Variants in GABRG3 observed in about 807,000 individuals in gnomAD.
The protein encoded by GABRG3 is gamma-aminobutyric acid type A receptor subunit gamma3.
Under a neutral mutation model 48.8 loss-of-function variants are expected in GABRG3, and 25 were observed. The observed-to-expected ratio is 0.51, with a 90% confidence interval of 0.37 to 0.72. The LOEUF (loss-of-function observed/expected upper bound fraction) is 0.72. GABRG3 is among the 30% of genes least tolerant of loss of function. The probability of loss-of-function intolerance (pLI) is 0.00; values close to 1 mark genes in which losing one functional copy is unlikely to be tolerated. For missense variants in GABRG3, 394 were observed against 577.9 expected, an observed-to-expected ratio of 0.68 and a Z score of 3.26; for synonymous variants, 227 against 217.6, an observed-to-expected ratio of 1.04 and a Z score of -0.38.
At chr15:27,215,549 C>T (rs1889220329) in intron 3 of GABRG3, among the ~76,000 whole-genome samples, 1 of 152,210 alleles carries the variant, frequency 6.6e-6, no homozygotes, top group South Asian at 2.1e-4. Context: ...TCTTCCTGAA[C>T]ATTGCAAGGA....
intron 3 of GABRG3, among the ~76,000 whole-genome samples, chr15:27,283,734 G>A (rs561472206): frequency 6.6e-6 from 1 of 152,252 alleles, no homozygotes; most frequent in South Asian, 2.1e-4. Context: ...CCAGCACTCT[G>A]AGGCATATGA....
intron 5 of GABRG3, among the ~76,000 whole-genome samples, chr15:27,409,637 T>C (rs1206307129): frequency 1.3e-5 from 2 of 152,198 alleles, no homozygotes; most frequent in Non-Finnish European, 2.9e-5. Context: ...AAACTCTAGC[T>C]GGAATTTTAT....
intron 7 of GABRG3, among the ~76,000 whole-genome samples, chr15:27,524,873 A>T: frequency 6.6e-6 from 1 of 152,202 alleles, no homozygotes; most frequent in East Asian, 1.9e-4. Flanking sequence ...TAATAACTAC[A>T]TTCAATGTAA....
At chr15:27,464,448 T>G (rs1474643224) in intron 5 of GABRG3, among the ~76,000 whole-genome samples, 1 of 152,218 alleles carries the variant, frequency 6.6e-6, no homozygotes, top group Non-Finnish European at 1.5e-5. Context: ...GCTGTAAACT[T>G]TCATGTACAA....
intron 5 of GABRG3, among the ~76,000 whole-genome samples, chr15:27,427,355 C>T (rs1888323451): frequency 6.6e-6 from 1 of 152,140 alleles, no homozygotes; most frequent in African/African-American, 2.4e-5. Context: ...ATAAACAGTG[C>T]AGTGTGGCTG....
At chr15:27,053,808 C>T (rs1896494179) in intron 3 of GABRG3, among the ~76,000 whole-genome samples, 1 of 152,186 alleles carries the variant, frequency 6.6e-6, no homozygotes, top group Non-Finnish European at 1.5e-5. Flanking sequence ...AGAATGAAGG[C>T]ATATCCTTTG....
At chr15:27,118,368 C>T (rs566247370) in intron 3 of GABRG3, among the ~76,000 whole-genome samples, 7 of 152,238 alleles carry the variant, frequency 4.6e-5, no homozygotes, top group South Asian at 2.1e-4. Context: ...GCTTTCCCTC[C>T]GAACAACATG....
intron 3 of GABRG3, among the ~76,000 whole-genome samples, chr15:27,203,747 T>C (rs1888764281): frequency 6.6e-6 from 1 of 152,092 alleles, no homozygotes; most frequent in Non-Finnish European, 1.5e-5. Flanking sequence ...GGGTGTGAGG[T>C]GGTATCTCAT....
intron 3 of GABRG3, among the ~76,000 whole-genome samples, chr15:27,243,481 C>T (rs558988203): frequency 2.0e-5 from 3 of 151,910 alleles, no homozygotes; most frequent in Non-Finnish European, 4.4e-5. Context: ...TGGAGGCAAA[C>T]GGAAGAGGGC....
At chr15:26,982,814 T>C (rs910648501) in intron 2 of GABRG3, among the ~76,000 whole-genome samples, 4 of 152,152 alleles carry the variant, frequency 2.6e-5, no homozygotes, top group African/African-American at 9.7e-5. Context: ...AAACATAAAG[T>C]TATGAGGTAG....
At chr15:27,202,023 G>A (rs1888699772) in intron 3 of GABRG3, among the ~76,000 whole-genome samples, 1 of 152,096 alleles carries the variant, frequency 6.6e-6, no homozygotes, top group East Asian at 1.9e-4. Context: ...AGTATATTCA[G>A]CAGCATTTCA....
chr15:27,306,853 A>G, intron 3 of GABRG3, among the ~76,000 whole-genome samples: 1 of 91,570 alleles, frequency 1.1e-5, no homozygotes, highest in Non-Finnish European at 1.9e-5. Context: ...TTATATATAA[A>G]CATACAATAT....
chr15:27,287,310 C>T (rs1442775716), intron 3 of GABRG3, among the ~76,000 whole-genome samples: 2 of 151,974 alleles, frequency 1.3e-5, no homozygotes, highest in African/African-American at 2.4e-5. Context: ...AGGTATGGAC[C>T]AGGGATTTGG....
chr15:27,158,591 A>G (rs539243611), intron 3 of GABRG3, among the ~76,000 whole-genome samples: 10 of 152,346 alleles, frequency 6.6e-5, no homozygotes, highest in African/African-American at 2.4e-4. Context: ...TAAGATTTCT[A>G]TCTGAGAGAG....
intron 7 of GABRG3, among the ~76,000 whole-genome samples, chr15:27,520,404 A>C (rs542183919): frequency 2.0e-5 from 3 of 152,000 alleles, no homozygotes; most frequent in African/African-American, 7.2e-5. Context: ...ACAAAAACAC[A>C]GGCACATCCC....
chr15:27,259,344 C>G (rs149518191), intron 3 of GABRG3, among the ~76,000 whole-genome samples: 21 of 152,294 alleles, frequency 1.4e-4, no homozygotes, highest in African/African-American at 4.8e-4. Flanking sequence ...TTTGGAGGTG[C>G]AGCTTTGTGC....
At chr15:27,381,390 A>G (rs1237029743) in intron 5 of GABRG3, among the ~76,000 whole-genome samples, 1 of 152,246 alleles carries the variant, frequency 6.6e-6, no homozygotes, top group Non-Finnish European at 1.5e-5. Flanking sequence ...AGAACCATAT[A>G]GAGCTCGTGG....
intron 4 of GABRG3, 138 bp from the exon 5 acceptor site, chr15:27,328,668 C>G (rs1038920577): frequency 6.1e-6 from 4 of 655,212 alleles, no homozygotes; most frequent in Non-Finnish European, 8.3e-6. Flanking sequence ...GTGAATGGTT[C>G]CCGGGCCAAG....
At chr15:27,037,580 G>A (rs7179683) in intron 3 of GABRG3, among the ~76,000 whole-genome samples, 3 of 151,964 alleles carry the variant, frequency 2.0e-5, no homozygotes, top group South Asian at 2.1e-4. Context: ...GCAGCTGCAG[G>A]CATATCCCCT....
Sources: allele counts gnomAD v4.1 joint callset (sites outside exome capture counted in the v4.1 genomes callset), GRCh38; gene constraint gnomAD v4.1.1; transcripts MANE v1.5; gene names NCBI Gene and HGNC (gene_info 2026-07-23, HGNC 2026-07-21).